The following DIS3L2 variants were observed in gnomAD, a reference collection of about 807,000 sequenced individuals.
The protein encoded by DIS3L2 is DIS3 like 3'-5' exoribonuclease 2.
Under a neutral mutation model 97.5 loss-of-function variants are expected in DIS3L2, and 34 were observed. The observed-to-expected ratio is 0.35, with a 90% CI of 0.27 to 0.46. The LOEUF (loss-of-function observed/expected upper bound fraction) is 0.46, where lower values mean the gene tolerates loss of function less well. Among genes scored for constraint, DIS3L2 ranks in the 20% least tolerant of loss-of-function variants. The pLI, the probability that DIS3L2 is intolerant of heterozygous loss-of-function variation, is 1.00. For synonymous variants in DIS3L2, 435 were observed against 445.2 expected (o/e 0.98, Z 0.29); for missense variants, 1,038 against 1,146.0 (o/e 0.91, Z 1.36).
chr2:232,202,370 C>A (rs879348576), intron 9 of DIS3L2, among the ~76,000 whole-genome samples: 1 of 152,092 alleles, frequency 6.6e-6, no homozygotes, highest in Non-Finnish European at 1.5e-5. Context: ...TGCACTCCAG[C>A]CTGGCGACAG....
intron 14 of DIS3L2, among the ~76,000 whole-genome samples, chr2:232,327,221 G>A (rs1427664114): frequency 2.0e-5 from 3 of 152,224 alleles, no homozygotes; most frequent in Non-Finnish European, 2.9e-5. Context: ...CACCCTGCCC[G>A]CCTGGTGGCC....
chr2:232,274,956 A>G (rs1298281084), intron 13 of DIS3L2, among the ~76,000 whole-genome samples: 2 of 152,142 alleles, frequency 1.3e-5, no homozygotes, highest in African/African-American at 4.8e-5. Context: ...GCCTGTGAGA[A>G]CGACTGGATT....
intron 9 of DIS3L2, among the ~76,000 whole-genome samples, chr2:232,185,381 A>T (rs935268224): frequency 1.3e-5 from 2 of 152,234 alleles, no homozygotes; most frequent in African/African-American, 2.4e-5. Context: ...GGAAATTTTT[A>T]AAAAATATGT....
intron 9 of DIS3L2, among the ~76,000 whole-genome samples, chr2:232,201,452 A>G (rs1275899190): frequency 6.6e-6 from 1 of 152,260 alleles, no homozygotes; most frequent in Non-Finnish European, 1.5e-5. Context: ...AAGACAACTG[A>G]CCTGGACTCT....
intron 9 of DIS3L2, among the ~76,000 whole-genome samples, chr2:232,199,844 A>G (rs1015796002): frequency 3.9e-5 from 6 of 152,216 alleles, no homozygotes; most frequent in Non-Finnish European, 5.9e-5. Flanking sequence ...TGAACCATTT[A>G]AAGTTTTAAA....
intron 6 of DIS3L2, among the ~76,000 whole-genome samples, chr2:232,128,548 AG>A (rs1021823375): frequency 4.7e-4 from 61 of 130,054 alleles, no homozygotes; most frequent in African/African-American, 1.7e-3. Context: ...TTGAATTCCC[AG>A]GCTCAGGTGA....
At chr2:232,329,680 T>C (rs1695675097) in intron 14 of DIS3L2, 133 bp from the exon 15 acceptor site, 3 of 882,524 alleles carry the variant, frequency 3.4e-6, no homozygotes, top group Admixed American at 6.7e-5. Context: ...TGAGATGAGG[T>C]AGCTGGGAGG....
rs553959251 is a variant in DIS3L2 at position 232,343,285 on chromosome 2, C to G, written c.1582-60C>G. 8.4e-6 allele frequency: 12 copies of G among 1,429,010 alleles called. No individual in the cohort carries two copies. In the East Asian group the frequency reaches 2.9e-4, roughly 34 times the overall value. The allele number at this position is 1,429,010 out of a possible 1,614,324, so 88.5% of individuals were successfully genotyped here. On this transcript the variant is annotated intron_variant, in intron 13 of 13. Transcript: ENST00000273009. ...GTAGGCTCACCTTTCACTGGAATTGCAAAGGCCTAGCCACATGAAACCGCG... is the reference window on the plus strand; with the variant it reads ...GTAGGCTCACCTTTCACTGGAATTGGAAAGGCCTAGCCACATGAAACCGCG...
intron 5 of DIS3L2, among the ~76,000 whole-genome samples, chr2:232,042,159 A>G (rs1048128125): frequency 1.3e-5 from 2 of 152,160 alleles, no homozygotes; most frequent in African/African-American, 4.8e-5. Context: ...TCTAAATTAA[A>G]CAAATGCAGA....
rs186117329 is a variant in DIS3L2 at position 232,254,933 on chromosome 2, G to A, written c.1425+5587G>A. Among the ~76,000 whole-genome samples the A allele has an allele frequency of 1.0e-3, 153 of 152,304 alleles. 1 individual carries two copies. Among genetic ancestry groups the A allele is most frequent in the African/African-American group, 3.5e-3 (147 of 41,564 alleles). The stretch of plus-strand genomic sequence containing the variant: ...GCCCACTAACCACACTCCTTGTACT[G>A]TTGGTTATCCAAACACCCTGCCCAG... On this transcript the variant is annotated intron_variant, in intron 12 of 20. Transcript: ENST00000325385.
At chr2:232,288,930 A>G (rs1366382003) in intron 13 of DIS3L2, among the ~76,000 whole-genome samples, 1 of 152,258 alleles carries the variant, frequency 6.6e-6, no homozygotes, top group Non-Finnish European at 1.5e-5. Flanking sequence ...TTTAAATAAT[A>G]GAAAGACAGA....
chr2:232,229,728 CAGTTT>C (rs2106242685), intron 10 of DIS3L2, among the ~76,000 whole-genome samples: 1 of 152,278 alleles, frequency 6.6e-6, no homozygotes, highest in East Asian at 1.9e-4. Flanking sequence ...GCTGTGTGGG[CAGTTT>C]AGTTGAGTAC....
chr2:232,258,517 G>A (rs1693628431), intron 12 of DIS3L2, among the ~76,000 whole-genome samples: 1 of 150,506 alleles, frequency 6.6e-6, no homozygotes, highest in Non-Finnish European at 1.5e-5. Context: ...CCGGGAGGCG[G>A]AGGTTGCAGT....
intron 14 of DIS3L2, among the ~76,000 whole-genome samples, chr2:232,308,665 G>T (rs886982514): frequency 6.6e-6 from 1 of 152,112 alleles, no homozygotes; most frequent in Admixed American, 6.5e-5. Flanking sequence ...GCAGTTCTGG[G>T]CTGTACATCC....
Position 232,337,185 on chromosome 2 carries a change from G to A in DIS3L2, c.*555G>A, listed in dbSNP as rs1157854249. On this transcript the variant is annotated 3_prime_UTR_variant, in exon 21 of 21. Transcript: ENST00000325385. ...TTCTGCCTGATTAAAAATGGAATTA[G>A]TATGCAACACTGAGAGCGCCCCCAT... 3 of 995,720 alleles carry A rather than the reference G, an allele frequency of 3.0e-6. No individual in the cohort carries two copies. Among genetic ancestry groups the A allele is most frequent in the Non-Finnish European group, 3.6e-6 (3 of 837,848 alleles). The allele number at this position is 995,720 out of a possible 1,614,324, so 61.7% of individuals were successfully genotyped here.
intron 5 of DIS3L2, 124 bp from the exon 6 acceptor site, chr2:232,087,362 CT>C (rs1696691894): frequency 1.5e-6 from 1 of 680,576 alleles, no homozygotes; most frequent in African/African-American, 1.8e-5. Context: ...CTTTTTTGAA[CT>C]ACATGATTAG....
intron 9 of DIS3L2, 130 bp downstream of exon 9, chr2:232,163,762 T>TACCACAGTTG (rs1468552363): frequency 9.3e-7 from 1 of 1,074,734 alleles, no homozygotes; most frequent in African/African-American, 1.6e-5. Flanking sequence ...GGTGCTTCTG[T>TACCACAGTTG]ACCACAGTTG....
chr2:232,156,122 C>G (rs1180437277), intron 8 of DIS3L2, among the ~76,000 whole-genome samples: 1 of 151,932 alleles, frequency 6.6e-6, no homozygotes, highest in African/African-American at 2.4e-5. Context: ...TCTTTGTTAT[C>G]TTTTTAAACT....
chr2:231,965,464 AGTTTAAT>A (rs1167492015), intron 1 of DIS3L2, among the ~76,000 whole-genome samples: 4 of 140,998 alleles, frequency 2.8e-5, no homozygotes, highest in African/African-American at 1.0e-4. Flanking sequence ...TTTTTTTTTG[AGTTTAAT>A]GTTTAATAAG....
Sources: gnomAD v4.1 joint callset for allele counts (sites outside exome capture counted in the v4.1 genomes callset) on GRCh38, gnomAD v4.1.1 for gene constraint, MANE v1.5 for transcripts, NCBI Gene and HGNC (gene_info 2026-07-23, HGNC 2026-07-21) for gene names.